MTMR2: variants seen among roughly 807,000 people sequenced by gnomAD.
The protein encoded by MTMR2 is phosphatidylinositol-3,5-bisphosphate 3-phosphatase MTMR2.
A neutral mutation model predicts 86.9 loss-of-function variants in MTMR2; 55 were observed. That is an observed-to-expected ratio of 0.63 (90% CI 0.51 to 0.79). MTMR2 has a LOEUF of 0.79. Ranked by LOEUF, MTMR2 falls within the 30% of genes least tolerant of loss-of-function variation. The pLI, the probability that MTMR2 is intolerant of heterozygous loss-of-function variation, is 0.00. For synonymous variants in MTMR2, 241 were observed against 266.8 expected, an observed-to-expected ratio of 0.90 and a Z score of 0.94; for missense variants, 659 against 772.3, an observed-to-expected ratio of 0.85 and a Z score of 1.74.
intron 2 of MTMR2, among the ~76,000 whole-genome samples, chr11:95,866,699 C>T (rs981707501): frequency 6.9e-6 from 1 of 144,796 alleles, no homozygotes; most frequent in African/African-American, 2.6e-5. Context: ...AGTTGCCAGT[C>T]CCTAAATAGT....
rs1374994148 is a variant in MTMR2, at chr11:95,850,763, GA to G, written c.655-15del. On this transcript the variant is annotated splice_polypyrimidine_tract_variant and intron_variant, in intron 7 of 14. Coordinates refer to ENST00000346299, the MANE Select transcript of MTMR2 (RefSeq NM_016156.6). ...ATTTGGAATTCCCTACATGTGAAAT[GA>G]AACATAAGACAAATTACTATATAAC... 1 of 1,585,466 alleles carries G rather than the reference GA, an allele frequency of 6.3e-7. No individual in the cohort carries two copies. The highest frequency in any genetic ancestry group is 2.3e-5 in the East Asian group (1 of 44,214).
Position 95,888,261 on chromosome 11 carries a change from A to C in MTMR2, c.81T>G (p.Ser27Arg). 6.2e-7 allele frequency: 1 copy of C among 1,609,930 alleles called. No individual in the cohort carries two copies. The highest frequency in any genetic ancestry group is 8.5e-7 in the Non-Finnish European group (1 of 1,176,616). The change falls in exon 2 of 15, where the codon AGT (serine) becomes AGG (arginine). Residue 27 changes from serine (S) to arginine (R), a missense_variant and splice_region_variant. By Grantham distance (110) the Ser-to-Arg change is moderately radical (BLOSUM62 -1). Transcript: ENST00000346299. ...ARPPSVDSLS[S>R]ASTSHSENSV... ...AATTCTCTGAATGAGAAGTGGAGGC[A>C]CTACAAAATACAAAAGTACAGTATG...
chr11:95,841,480 A>C, intron 12 of MTMR2, 137 bp downstream of exon 12: 1 of 749,518 alleles, frequency 1.3e-6, no homozygotes. Context: ...GTGACAATAA[A>C]TAGCTCTCAC....
chr11:95,854,474 T>C (rs999148414), intron 7 of MTMR2, among the ~76,000 whole-genome samples: 1 of 152,156 alleles, frequency 6.6e-6, no homozygotes, highest in Non-Finnish European at 1.5e-5. Context: ...TCTTTTTTGT[T>C]CGTTTCATGA....
chr11:95,918,028 A>C (rs996520394), intron 1 of MTMR2, among the ~76,000 whole-genome samples: 4 of 152,252 alleles, frequency 2.6e-5, no homozygotes, highest in Admixed American at 1.3e-4. Context: ...ATTTCCTAGA[A>C]ATCAAATCTA....
intron 7 of MTMR2, 129 bp downstream of exon 7, chr11:95,857,423 C>A: frequency 1.4e-6 from 1 of 701,342 alleles, no homozygotes; most frequent in Admixed American, 2.4e-5. Context: ...TTGAATTCTG[C>A]TTTAATCTCT....
intron 1 of MTMR2, among the ~76,000 whole-genome samples, chr11:95,903,090 C>T (rs774798401): frequency 4.6e-5 from 7 of 152,104 alleles, no homozygotes; most frequent in African/African-American, 9.7e-5. Flanking sequence ...ATTCCTCTTC[C>T]GCAATGATCT....
In MTMR2 at chr11:95,879,649, CTTA is replaced by C. The variant is rs1002454203; in HGVS notation, c.186+8504_186+8506del. Among the ~76,000 whole-genome samples the C allele has an allele frequency of 2.0e-5, 3 of 152,208 alleles. No homozygotes were observed. In the East Asian group the frequency reaches 5.8e-4, roughly 29 times the overall value. ...ACCTACTATCGCCAACAAATGGGAG[CTTA>C]TTATTCACAATGTTCTTCTGTCCTT... On this transcript the variant is annotated intron_variant, in intron 2 of 14. Coordinates refer to ENST00000346299, the MANE Select transcript of MTMR2 (RefSeq NM_016156.6).
chr11:95,882,848 G>A (rs375817318), intron 2 of MTMR2, among the ~76,000 whole-genome samples: 64 of 142,212 alleles, frequency 4.5e-4, no homozygotes, highest in Non-Finnish European at 7.4e-4. Flanking sequence ...TCAGCCTCCC[G>A]AGTAGCTGGG....
chr11:95,855,274 G>A (rs1864168697), intron 7 of MTMR2, among the ~76,000 whole-genome samples: 1 of 151,824 alleles, frequency 6.6e-6, no homozygotes, highest in South Asian at 2.1e-4. Context: ...CTTATTTTTT[G>A]AGACATGGCA....
intron 1 of MTMR2, among the ~76,000 whole-genome samples, chr11:95,908,714 C>T (rs142010362): frequency 6.6e-6 from 1 of 152,000 alleles, no homozygotes; most frequent in African/African-American, 2.4e-5. Context: ...TCTGATCTGA[C>T]AAAGCTGACA....
chr11:95,879,917 G>C (rs1865260767), intron 2 of MTMR2, among the ~76,000 whole-genome samples: 1 of 151,842 alleles, frequency 6.6e-6, no homozygotes, highest in Non-Finnish European at 1.5e-5. Flanking sequence ...TTCAAATCAA[G>C]GTATGTTTTT....
intron 3 of MTMR2, among the ~76,000 whole-genome samples, chr11:95,862,691 C>T (rs1391956481): frequency 6.6e-6 from 1 of 152,196 alleles, no homozygotes; most frequent in African/African-American, 2.4e-5. Flanking sequence ...TGAAAGAATA[C>T]TGGTAATGGT....
chr11:95,895,334 T>G (rs533745453), intron 1 of MTMR2, among the ~76,000 whole-genome samples: 1 of 152,202 alleles, frequency 6.6e-6, no homozygotes, highest in East Asian at 1.9e-4. Flanking sequence ...AGGTTGGGCC[T>G]TTAATGAGTG....
chr11:95,905,230 T>C (rs142165777), intron 1 of MTMR2, among the ~76,000 whole-genome samples: 1 of 152,098 alleles, frequency 6.6e-6, no homozygotes, highest in Non-Finnish European at 1.5e-5. Flanking sequence ...CTTCTCTACG[T>C]ACTCCTCCTC....
chr11:95,883,512 G>A (rs560457149), intron 2 of MTMR2, among the ~76,000 whole-genome samples: 15 of 152,280 alleles, frequency 9.9e-5, no homozygotes, highest in Admixed American at 4.6e-4. Flanking sequence ...GAAGCAAGGA[G>A]AAAACACTCT....
rs11601306 is a variant in MTMR2, at chr11:95,840,552, A to T, written c.1479+1065T>A. Among the ~76,000 whole-genome samples, 5 of 152,280 alleles carry T rather than the reference A, an allele frequency of 3.3e-5. No homozygotes were observed. The East Asian group carries it at 9.6e-4, about 29-fold the overall frequency. ...GATTTATAAACCAAAACTGAATTGT[A>T]TACACCTTTTCAGTATATATGCTAA... On this transcript the variant is annotated intron_variant, in intron 12 of 14. Transcript: ENST00000346299.
At chr11:95,907,953 C>T (rs1015844005) in intron 1 of MTMR2, 21 of 397,780 alleles carry the variant, frequency 5.3e-5, no homozygotes, top group African/African-American at 4.4e-4. Flanking sequence ...CAAGAATGCC[C>T]ACTGTCATCA....
At chr11:95,894,145 T>C (rs1265373143) in intron 1 of MTMR2, among the ~76,000 whole-genome samples, 1 of 152,134 alleles carries the variant, frequency 6.6e-6, no homozygotes, top group Admixed American at 6.6e-5. Context: ...GATAACCCTA[T>C]TGTATCTGCC....
Sources: gnomAD v4.1 joint callset for allele counts (sites outside exome capture counted in the v4.1 genomes callset) on GRCh38, gnomAD v4.1.1 for gene constraint, MANE v1.5 for transcripts, NCBI Gene and HGNC (gene_info 2026-07-23, HGNC 2026-07-21) for gene names.